WWC2: variants seen among roughly 807,000 people sequenced by gnomAD.
WWC2 encodes the protein protein WWC2.
WWC2 carries 101 observed loss-of-function variants against 138.5 expected under a neutral mutation model. The observed-to-expected ratio is 0.73, with a 90% CI of 0.62 to 0.86. WWC2 has a LOEUF of 0.86. Among genes scored for constraint, WWC2 ranks in the 40% least tolerant of loss-of-function variants. The probability of loss-of-function intolerance (pLI) is 0.00; values close to 1 mark genes in which losing one functional copy is unlikely to be tolerated. For missense variants in WWC2, 1,420 were observed against 1,419.4 expected, an observed-to-expected ratio of 1.00 and a Z score of -0.01; for synonymous variants, 558 against 538.4, an observed-to-expected ratio of 1.04 and a Z score of -0.50.
At chr4:183,310,558 A>AG in intron 21 of WWC2, among the ~76,000 whole-genome samples, 1 of 152,104 alleles carries the variant, frequency 6.6e-6, no homozygotes, top group Non-Finnish European at 1.5e-5. Flanking sequence ...GCTGTAGTGC[A>AG]GCGGTGATCA....
chr4:183,208,841 A>C, intron 3 of WWC2, 108 bp from the exon 4 acceptor site: 1 of 685,792 alleles, frequency 1.5e-6, no homozygotes, highest in South Asian at 2.1e-5. Context: ...TTAGAAAGCA[A>C]GTATTCACAG....
At chr4:183,264,864 C>A in intron 11 of WWC2, 114 bp from the exon 12 acceptor site, 1 of 1,133,350 alleles carries the variant, frequency 8.8e-7, no homozygotes, top group Non-Finnish European at 1.2e-6. Flanking sequence ...ACATCCTTGA[C>A]TCCCAGAAGG....
intron 14 of WWC2, among the ~76,000 whole-genome samples, chr4:183,266,572 C>T (rs1018635617): frequency 2.0e-5 from 3 of 152,192 alleles, no homozygotes; most frequent in African/African-American, 7.2e-5. Context: ...GTCTTAGACA[C>T]CACCATTCAC....
chr4:183,243,723 C>G (rs79167138), intron 5 of WWC2, among the ~76,000 whole-genome samples: 4,609 of 149,242 alleles, frequency 0.031, 229 homozygotes, highest in African/African-American at 0.11. Context: ...TAGGGGCCCT[C>G]CCCATTCTAA....
chr4:183,118,545 G>A (rs1732499168), intron 1 of WWC2, among the ~76,000 whole-genome samples: 2 of 152,158 alleles, frequency 1.3e-5, no homozygotes, highest in Admixed American at 1.3e-4. Flanking sequence ...CTTTTGTCCT[G>A]TGTTGCTATG....
intron 9 of WWC2, among the ~76,000 whole-genome samples, chr4:183,256,744 A>G (rs1737154610): frequency 6.6e-6 from 1 of 152,076 alleles, no homozygotes. Context: ...ATTCCCCAAC[A>G]TATTCCTGTT....
intron 1 of WWC2, among the ~76,000 whole-genome samples, chr4:183,164,324 TATATATATATATAC>T (rs1734057728): frequency 2.0e-3 from 2 of 1,018 alleles, no homozygotes; most frequent in African/African-American, 4.9e-3. Flanking sequence ...TATATACATA[TATATATATATATAC>T]ATATATATAT....
intron 1 of WWC2, among the ~76,000 whole-genome samples, chr4:183,189,168 C>T (rs4541557): frequency 6.6e-6 from 1 of 151,868 alleles, no homozygotes; most frequent in Admixed American, 6.6e-5. Flanking sequence ...GGCGCAGTGG[C>T]TCATGCCTGT....
At chr4:183,124,982 A>G (rs1288179037) in intron 1 of WWC2, among the ~76,000 whole-genome samples, 7 of 152,238 alleles carry the variant, frequency 4.6e-5, no homozygotes, top group Non-Finnish European at 1.0e-4. Flanking sequence ...AGCCAAAGAA[A>G]TAGTCCCAAG....
intron 14 of WWC2, among the ~76,000 whole-genome samples, chr4:183,267,182 C>G (rs1737532326): frequency 6.6e-6 from 1 of 151,804 alleles, no homozygotes; most frequent in African/African-American, 2.4e-5. Flanking sequence ...AATGTGTTGA[C>G]AAGCATCAAA....
intron 1 of WWC2, among the ~76,000 whole-genome samples, chr4:183,135,068 C>A (rs974775004): frequency 6.6e-6 from 1 of 151,988 alleles, no homozygotes; most frequent in African/African-American, 2.4e-5. Context: ...GTAGCTGGGA[C>A]TACAGGCGTG....
chr4:183,315,785 AG>A lies in WWC2; in HGVS notation c.*57del. On this transcript the variant is annotated 3_prime_UTR_variant, in exon 23 of 23. Transcript: ENST00000403733. ...TGTTCACTTTCTTAGGGAGGGTAAA[AG>A]ACTGAAGATTTGTGTTTTTGTTTTG... The A allele has an allele frequency of 2.8e-6, 4 of 1,429,552 alleles. No individual in the cohort carries two copies. The South Asian group carries it at 5.1e-5, about 18-fold the overall frequency. 88.6% of individuals were successfully genotyped at this position (1,429,552 alleles called of 1,614,324 possible). A position where few individuals can be genotyped will look rare whatever the true frequency, so the allele number is the denominator to read the frequency against.
In WWC2 at chr4:183,249,924, G is replaced by T; in HGVS notation, c.884G>T (p.Gly295Val). The change falls in exon 8 of 23, where the codon GGA (glycine) becomes GTA (valine). Residue 295 changes from glycine (G) to valine (V), a missense_variant. Physicochemically the swap from Gly to Val is moderately radical, Grantham distance 109. Transcript: ENST00000403733. ...GSQTSISGDI[G>V]VRSRSNLAEK... ...TCCTTTTTCTTTTTCCACTAGATTGGAGTAAGAAGTAGATCAAATTTAGCT... is the reference window on the plus strand; with the variant it reads ...TCCTTTTTCTTTTTCCACTAGATTGTAGTAAGAAGTAGATCAAATTTAGCT... The T allele has an allele frequency of 6.2e-7, 1 of 1,613,012 alleles. No individual in the cohort carries two copies. The highest frequency in any genetic ancestry group is 8.5e-7 in the Non-Finnish European group (1 of 1,179,432).
chr4:183,258,295 C>T (rs915419424), intron 9 of WWC2, among the ~76,000 whole-genome samples: 16 of 151,850 alleles, frequency 1.1e-4, no homozygotes, highest in African/African-American at 3.9e-4. Context: ...TTAAAATGAC[C>T]GCTGCTTTTA....
rs749019598 is a variant in WWC2 at position 183,268,953 on chromosome 4, T to C, written c.2208-18T>C. The C allele has an allele frequency of 6.3e-7, 1 of 1,598,530 alleles. No homozygotes were observed. The highest frequency in any genetic ancestry group is 1.1e-5 in the South Asian group (1 of 87,884). On this transcript the variant is annotated intron_variant, in intron 14 of 22. Coordinates refer to ENST00000403733, the MANE Select transcript of WWC2 (RefSeq NM_024949.6). Reference sequence around the variant, plus strand: ...ATTAAAGTACCTATGAAATCCATTTTATTCTTGTTCTTTGCAGATATTTTA... The same window carrying C: ...ATTAAAGTACCTATGAAATCCATTTCATTCTTGTTCTTTGCAGATATTTTA...
chr4:183,208,105 T>C lies in WWC2; in HGVS notation c.394T>C (p.Tyr132His). The change falls in exon 3 of 23, where the codon TAC becomes CAC. Residue 132 changes from tyrosine (Y) to histidine (H), a missense_variant. Tyr to His is a moderately conservative substitution (Grantham distance 83, BLOSUM62 2). Transcript: ENST00000403733. The part of the protein sequence containing the change: ...EQRLALALDE[Y>H]VRLNDAYKEK... The stretch of plus-strand genomic sequence containing the variant: ...GAGGCTGGCGCTGGCCCTGGATGAA[T>C]ACGTGCGATTAAATGATGCCTATAA... 1 of 1,613,788 alleles carries C rather than the reference T, an allele frequency of 6.2e-7. No individual in the cohort carries two copies. The highest frequency in any genetic ancestry group is 8.5e-7 in the Non-Finnish European group (1 of 1,179,742).
chr4:183,303,886 G>A (rs1463138807), intron 21 of WWC2, among the ~76,000 whole-genome samples: 1 of 151,600 alleles, frequency 6.6e-6, no homozygotes, highest in Non-Finnish European at 1.5e-5. Flanking sequence ...TCGAAATCTA[G>A]TATAGCCACA....
chr4:183,270,532 G>C (rs565217332), intron 15 of WWC2, among the ~76,000 whole-genome samples: 21 of 152,126 alleles, frequency 1.4e-4, no homozygotes, highest in African/African-American at 4.6e-4. Context: ...GGGAGGCCGA[G>C]GCAGGCAGAT....
In WWC2 at chr4:183,099,634, C is replaced by T; in HGVS notation, c.131+12C>T. 1 of 1,325,060 alleles carries T rather than the reference C, an allele frequency of 7.5e-7. No homozygotes were observed. The highest frequency in any genetic ancestry group is 9.8e-7 in the Non-Finnish European group (1 of 1,020,738). 82.1% of individuals were successfully genotyped at this position (1,325,060 alleles called of 1,614,324 possible). On this transcript the variant is annotated intron_variant, in intron 1 of 22. Coordinates refer to ENST00000403733, the MANE Select transcript of WWC2 (RefSeq NM_024949.6). ...GACCCCCGGGACAGGTGGGCGCCGG[C>T]CGCGGGGGCGCGGGCCCGTTCGGAC...
Sources: gnomAD v4.1 joint callset for allele counts (sites outside exome capture counted in the v4.1 genomes callset) on GRCh38, gnomAD v4.1.1 for gene constraint, MANE v1.5 for transcripts, NCBI Gene and HGNC (gene_info 2026-07-23, HGNC 2026-07-21) for gene names.